Variants in SLC4A8 observed in about 807,000 individuals in gnomAD.
SLC4A8 encodes the protein solute carrier family 4 member 8, also known as electroneutral sodium bicarbonate exchanger 1.
A neutral mutation model predicts 125.0 loss-of-function variants in SLC4A8; 40 were observed. The observed-to-expected ratio is 0.32, with a 90% CI of 0.25 to 0.42. The LOEUF (loss-of-function observed/expected upper bound fraction) is 0.42, where lower values mean the gene tolerates loss of function less well. SLC4A8 is among the 10% of genes least tolerant of loss of function. The pLI is 1.00. For missense variants in SLC4A8, 863 were observed against 1,355.1 expected (o/e 0.64, Z 5.70); for synonymous variants, 456 against 476.0 (o/e 0.96, Z 0.55).
chr12:51,472,315 G>A (rs1381383635), intron 14 of SLC4A8, among the ~76,000 whole-genome samples: 1 of 152,218 alleles, frequency 6.6e-6, no homozygotes, highest in Non-Finnish European at 1.5e-5. Context: ...ACTTCAGTCT[G>A]AAACTGTCTC....
chr12:51,438,976 T>A (rs1175203865), intron 1 of SLC4A8, among the ~76,000 whole-genome samples: 1 of 152,212 alleles, frequency 6.6e-6, no homozygotes. Context: ...AGCACTGTTA[T>A]GTGAAAAGTC....
intron 1 of SLC4A8, among the ~76,000 whole-genome samples, chr12:51,410,421 TAG>T (rs1948570402): frequency 6.6e-6 from 1 of 152,152 alleles, no homozygotes; most frequent in African/African-American, 2.4e-5. Flanking sequence ...TTCTTCTGGT[TAG>T]AGTCATCCTG....
At chr12:51,485,324 G>A (rs1026625052) in intron 16 of SLC4A8, among the ~76,000 whole-genome samples, 1 of 152,206 alleles carries the variant, frequency 6.6e-6, no homozygotes. Flanking sequence ...GGATCTGGGT[G>A]GGAGCAGTGG....
chr12:51,398,843 G>A (rs1225735325), intron 1 of SLC4A8, among the ~76,000 whole-genome samples: 2 of 152,098 alleles, frequency 1.3e-5, no homozygotes, highest in East Asian at 1.9e-4. Context: ...TCTGCCTCCC[G>A]GGTTCAAGCG....
chr12:51,401,939 A>ATT (rs139226099), intron 1 of SLC4A8, among the ~76,000 whole-genome samples: 34,659 of 150,316 alleles, frequency 0.23, 4,659 homozygotes, highest in Non-Finnish European at 0.31. Flanking sequence ...TAATTTTTCT[A>ATT]TTTTTTTTTG....
intron 1 of SLC4A8, among the ~76,000 whole-genome samples, chr12:51,406,754 T>C (rs1364477438): frequency 1.3e-5 from 2 of 152,214 alleles, no homozygotes; most frequent in African/African-American, 4.8e-5. Flanking sequence ...TCTGTGGCCC[T>C]CTGAGGCTTC....
At chr12:51,417,798 G>A (rs1339475321) in intron 1 of SLC4A8, among the ~76,000 whole-genome samples, 10 of 152,186 alleles carry the variant, frequency 6.6e-5, no homozygotes, top group Non-Finnish European at 1.5e-5. Flanking sequence ...TTACAGGCGT[G>A]AGCCACTGCA....
At chr12:51,485,018 G>A (rs141411658) in intron 16 of SLC4A8, among the ~76,000 whole-genome samples, 1,740 of 152,234 alleles carry the variant, frequency 0.011, 21 homozygotes, top group South Asian at 0.021. Flanking sequence ...GTGGGAGTGA[G>A]CTTGGCATGT....
intron 1 of SLC4A8, among the ~76,000 whole-genome samples, chr12:51,400,766 A>G (rs1470949460): frequency 0.034 from 100 of 2,904 alleles, 11 homozygotes; most frequent in South Asian, 0.073. Context: ...ATATATATAT[A>G]TATATATATA....
chr12:51,474,963 C>A, intron 15 of SLC4A8, 82 bp from the exon 16 acceptor site: 1 of 1,254,612 alleles, frequency 8.0e-7, no homozygotes, highest in Non-Finnish European at 1.1e-6. Flanking sequence ...CATGGGATGA[C>A]AATGAGTGGT....
intron 9 of SLC4A8, chr12:51,461,858 G>GT: frequency 4.9e-6 from 1 of 204,220 alleles, no homozygotes; most frequent in Middle Eastern, 2.0e-3. Flanking sequence ...GCAGAGGGAG[G>GT]TGTGGCCTGT....
intron 16 of SLC4A8, among the ~76,000 whole-genome samples, chr12:51,477,390 G>A (rs941530835): frequency 5.2e-4 from 79 of 152,016 alleles, no homozygotes; most frequent in African/African-American, 1.9e-3. Flanking sequence ...TATAACTCAG[G>A]AACAGTTTAA....
At chr12:51,402,353 T>C (rs533759627) in intron 1 of SLC4A8, among the ~76,000 whole-genome samples, 1 of 152,310 alleles carries the variant, frequency 6.6e-6, no homozygotes, top group African/African-American at 2.4e-5. Flanking sequence ...AGCCCTGCTG[T>C]GCTGATGGGC....
At position 51,495,240 on chromosome 12, in the gene SLC4A8, T is replaced by C; in HGVS notation, c.2943+122T>C. 7.5e-6 allele frequency: 6 copies of C among 804,102 alleles called. No individual in the cohort carries two copies. In the South Asian group the frequency reaches 1.2e-4, roughly 16 times the overall value. 49.8% of individuals were successfully genotyped at this position (804,102 alleles called of 1,614,324 possible). ...TTGAGTGGCATTAAGTACATTCACA[T>C]TGCTGTGGAGCTATTACCACCCTCC... On this transcript the variant is annotated intron_variant, in intron 21 of 24. Transcript: ENST00000453097.
chr12:51,490,467 G>A (rs1951280464), intron 19 of SLC4A8, among the ~76,000 whole-genome samples: 1 of 151,738 alleles, frequency 6.6e-6, no homozygotes, highest in South Asian at 2.1e-4. Flanking sequence ...GGAGGCTGAG[G>A]CGGGAGAATG....
upstream of SLC4A8, among the ~76,000 whole-genome samples, chr12:51,420,876 G>A (rs1465213244): frequency 2.0e-5 from 3 of 152,230 alleles, no homozygotes; most frequent in South Asian, 2.1e-4. Context: ...AACTGTGCTG[G>A]CTGTGTGCCC....
At chr12:51,400,837 CAT>C (rs1446299312) in intron 1 of SLC4A8, among the ~76,000 whole-genome samples, 24 of 119,212 alleles carry the variant, frequency 2.0e-4, no homozygotes, top group South Asian at 2.7e-4. Flanking sequence ...CGTATATAAA[CAT>C]ATATGTTTAT....
intron 22 of SLC4A8, among the ~76,000 whole-genome samples, chr12:51,502,853 T>TTTTTTC (rs1353776319): frequency 1.3e-5 from 2 of 149,634 alleles, no homozygotes; most frequent in African/African-American, 4.9e-5. Flanking sequence ...TTTTTTTTTT[T>TTTTTTC]TTTGAGATGG....
At chr12:51,461,659 A>G (rs1010776857) in intron 9 of SLC4A8, 5 of 217,548 alleles carry the variant, frequency 2.3e-5, no homozygotes, top group Admixed American at 1.6e-4. Context: ...TGTTCCACTA[A>G]ATGAGACCAG....
Sources: allele counts gnomAD v4.1 joint callset (sites outside exome capture counted in the v4.1 genomes callset), GRCh38; gene constraint gnomAD v4.1.1; transcripts MANE v1.5; gene names NCBI Gene and HGNC (gene_info 2026-07-23, HGNC 2026-07-21).